The following LONRF2 variants were observed in gnomAD, a reference collection of about 807,000 sequenced individuals.
LONRF2 encodes LON peptidase N-terminal domain and ring finger 2.
In LONRF2, 35 loss-of-function variants were observed where a neutral mutation model predicts 66.6. The ratio of observed to expected loss-of-function variants is 0.53; its 90% CI spans 0.40 to 0.70. The LOEUF (loss-of-function observed/expected upper bound fraction) is 0.70. Among genes scored for constraint, LONRF2 ranks in the 30% least tolerant of loss-of-function variants. LONRF2 has a pLI of 0.00. For synonymous variants in LONRF2, 417 were observed against 418.1 expected (o/e 1.00, Z 0.03); for missense variants, 902 against 1,002.1 (o/e 0.90, Z 1.35).
At chr2:100,290,560 T>A in intron 9 of LONRF2, 140 bp from the exon 10 acceptor site, 1 of 819,374 alleles carries the variant, frequency 1.2e-6, no homozygotes, top group East Asian at 2.7e-5. Flanking sequence ...AAGGTTATTG[T>A]CGCTAAGAGA....
rs1675660026 is a variant in LONRF2 at position 100,322,412 on chromosome 2, C to T, written c.-319G>A. 4.4e-6 allele frequency: 1 copy of T among 228,398 alleles called. No individual in the cohort carries two copies. Among genetic ancestry groups the T allele is most frequent in the Non-Finnish European group, 8.5e-6 (1 of 118,222 alleles). 14.1% of individuals were successfully genotyped at this position (228,398 alleles called of 1,614,324 possible). On this transcript the variant is annotated 5_prime_UTR_variant, in exon 1 of 12. Transcript: ENST00000393437. ...CTCTCAGTCCCGCCGGCTTAGGTAACCCAGGTCGCTGCGGTAACGCAGTGA... is the reference window on the plus strand; with the variant it reads ...CTCTCAGTCCCGCCGGCTTAGGTAATCCAGGTCGCTGCGGTAACGCAGTGA...
chr2:100,313,672 G>A (rs11123825), intron 1 of LONRF2, among the ~76,000 whole-genome samples: 99,512 of 151,976 alleles, frequency 0.65, 32,935 homozygotes, highest in East Asian at 0.94. Flanking sequence ...ACCTTTGCAT[G>A]TGTACCCGTG....
Position 100,321,939 on chromosome 2 carries a change from C to G in LONRF2, c.155G>C (p.Gly52Ala). Reference sequence around the variant, plus strand: ...CAGGCCGCGGTCCGGCTGCGCCAGCCCGGCTAGCATGGAGCGAAAGAGCTC... The same window carrying G: ...CAGGCCGCGGTCCGGCTGCGCCAGCGCGGCTAGCATGGAGCGAAAGAGCTC... ...AAELFRSMLAGLAQPDRGLCL... is the reference protein window; with the variant it reads ...AAELFRSMLAALAQPDRGLCL... Residue 52 changes from glycine to alanine, a missense_variant, in exon 1 of 12, where the codon GGG becomes GCG. Coordinates refer to ENST00000393437, the MANE Select transcript of LONRF2 (RefSeq NM_198461.4). The G allele has an allele frequency of 7.1e-7, 1 of 1,417,832 alleles. No individual in the cohort carries two copies. Among genetic ancestry groups the G allele is most frequent in the Non-Finnish European group, 9.2e-7 (1 of 1,083,686 alleles). 87.8% of individuals were successfully genotyped at this position (1,417,832 alleles called of 1,614,324 possible).
chr2:100,298,781 G>A (rs952737765), intron 7 of LONRF2, 55 bp downstream of exon 7: 41 of 1,307,996 alleles, frequency 3.1e-5, no homozygotes, highest in Non-Finnish European at 4.2e-5. Flanking sequence ...GGGAGTAAGC[G>A]TCCACCAAGG....
rs1457800938 is a variant in LONRF2 at position 100,303,007 on chromosome 2, C to T, written c.835G>A (p.Gly279Arg). Reference sequence around the variant, plus strand: ...TCCTTTAACACTTCCTTACTTCTTCCCAATCCAGAAAGAGCCTGAGCTTTT... The same window carrying T: ...TCCTTTAACACTTCCTTACTTCTTCTCAATCCAGAAAGAGCCTGAGCTTTT... ...QVKAQALSGL[G>R]RSKEVLKEFL... Residue 279 changes from glycine to arginine, a missense_variant, in exon 3 of 12, where the codon GGA becomes AGA. By Grantham distance (125) the Gly-to-Arg change is moderately radical. Around this residue, in one of 2 missense-constraint regions of LONRF2, gnomAD observed 585 missense variants for 569.9 expected, o/e 1.03. Transcript: ENST00000393437. 6.2e-7 allele frequency: 1 copy of T among 1,609,810 alleles called. No homozygotes were observed. The highest frequency in any genetic ancestry group is 8.5e-7 in the Non-Finnish European group (1 of 1,177,580).
In LONRF2 at chr2:100,317,362, C is replaced by A. The variant is rs752543374; in HGVS notation, c.679+4053G>T. Among the ~76,000 whole-genome samples, 24 of 152,110 alleles carry A rather than the reference C, an allele frequency of 1.6e-4. 1 individual carries two copies. The highest frequency in any genetic ancestry group is 3.4e-4 in the Non-Finnish European group (23 of 68,010). The stretch of plus-strand genomic sequence containing the variant: ...TATGCAAACCTGATTTAGCAGTCTA[C>A]TTTAAATTGGTACTGTTACTACCTC... On this transcript the variant is annotated intron_variant, in intron 1 of 11. Coordinates refer to ENST00000393437, the MANE Select transcript of LONRF2 (RefSeq NM_198461.4).
intron 1 of LONRF2, among the ~76,000 whole-genome samples, chr2:100,314,005 T>A (rs1675458000): frequency 6.6e-6 from 1 of 152,176 alleles, no homozygotes; most frequent in Non-Finnish European, 1.5e-5. Context: ...ATTCTACTAG[T>A]GATGAACAAT....
intron 11 of LONRF2, among the ~76,000 whole-genome samples, chr2:100,285,005 A>T (rs1408179125): frequency 2.0e-5 from 3 of 152,266 alleles, no homozygotes; most frequent in Non-Finnish European, 2.9e-5. Context: ...TATATATATA[A>T]GAATTATTAT....
chr2:100,309,836 C>A (rs1280065879), intron 1 of LONRF2, among the ~76,000 whole-genome samples: 3 of 152,042 alleles, frequency 2.0e-5, no homozygotes, highest in Non-Finnish European at 4.4e-5. Context: ...CCACGCCCGG[C>A]TAATTTTTGT....
chr2:100,272,654 T>C lies in LONRF2; in HGVS notation c.*11644A>G, dbSNP rs1165736679. Among the ~76,000 whole-genome samples the C allele has an allele frequency of 6.6e-6, 1 of 152,062 alleles. No individual in the cohort carries two copies. The highest frequency in any genetic ancestry group is 2.4e-5 in the African/African-American group (1 of 41,376). On this transcript the variant is annotated 3_prime_UTR_variant, in exon 12 of 12. Transcript: ENST00000393437. ...TTGTAGAGTGTTATGCTGTTTTAAA[T>C]ATTGTAATTTATGCCTCTAAAAATT...
At chr2:100,294,439 G>A in intron 8 of LONRF2, 52 bp from the exon 9 acceptor site, 1 of 1,476,204 alleles carries the variant, frequency 6.8e-7, no homozygotes, top group African/African-American at 1.4e-5. Context: ...TTAGATCAGA[G>A]GGTGGTACTG....
intron 9 of LONRF2, 62 bp from the exon 10 acceptor site, chr2:100,290,482 C>A: frequency 6.6e-7 from 1 of 1,505,738 alleles, no homozygotes. Context: ...TTCTTTTTCC[C>A]TGGATGAGAG....
chr2:100,303,109 C>T lies in LONRF2; in HGVS notation c.799-66G>A, dbSNP rs571320562. The T allele has an allele frequency of 3.7e-5, 51 of 1,392,474 alleles. No individual in the cohort carries two copies. The African/African-American group carries it at 6.8e-4, about 19-fold the overall frequency. The allele number at this position is 1,392,474 out of a possible 1,614,324, so 86.3% of individuals were successfully genotyped here. A position where few individuals can be genotyped will look rare whatever the true frequency, so the allele number is the denominator to read the frequency against. The stretch of plus-strand genomic sequence containing the variant: ...GCATGATTATATACTTGAATACAAA[C>T]TTCCCTGAACAAATTTATTAGAACA... On this transcript the variant is annotated intron_variant, in intron 2 of 11. Transcript: ENST00000393437.
rs968564576 is a variant in LONRF2 at position 100,273,347 on chromosome 2, T to C, written c.*10951A>G. On this transcript the variant is annotated 3_prime_UTR_variant, in exon 12 of 12. Transcript: ENST00000393437. The stretch of plus-strand genomic sequence containing the variant: ...CCGTCAGTCTGTGGTGATGTGTTAG[T>C]ACATCCCTACGACACAAACACAAAG... The C allele has an allele frequency of 2.0e-5, 3 of 152,238 alleles. No homozygotes were observed. Among genetic ancestry groups the C allele is most frequent in the Admixed American group, 6.5e-5 (1 of 15,284 alleles). 9.4% of individuals were successfully genotyped at this position (152,238 alleles called of 1,614,324 possible).
Position 100,302,771 on chromosome 2 carries a change from C to G in LONRF2, c.921+150G>C, listed in dbSNP as rs1675211062. The G allele has an allele frequency of 2.2e-5, 16 of 724,092 alleles. No individual in the cohort carries two copies. In the South Asian group the frequency reaches 4.4e-4, roughly 20 times the overall value. The allele number at this position is 724,092 out of a possible 1,614,324, so 44.9% of individuals were successfully genotyped here. On this transcript the variant is annotated intron_variant, in intron 3 of 11. Coordinates refer to ENST00000393437, the MANE Select transcript of LONRF2 (RefSeq NM_198461.4). ...CCTAGAAGTTATCCAATGTATGAAC[C>G]TTACAATTATTGCCATGCGTTTTTT...
chr2:100,298,553 A>G (rs1210326211), intron 7 of LONRF2, among the ~76,000 whole-genome samples: 3 of 152,246 alleles, frequency 2.0e-5, no homozygotes, highest in Non-Finnish European at 4.4e-5. Flanking sequence ...CGTCTCAACC[A>G]TTTACAATGA....
At chr2:100,302,075 C>T (rs1173536612) in intron 3 of LONRF2, among the ~76,000 whole-genome samples, 1 of 152,118 alleles carries the variant, frequency 6.6e-6, no homozygotes, top group African/African-American at 2.4e-5. Context: ...AATAAACATG[C>T]CCCTAATGTG....
chr2:100,303,098 T>C (rs778712888), intron 2 of LONRF2, 55 bp from the exon 3 acceptor site: 2 of 1,475,356 alleles, frequency 1.4e-6, no homozygotes, highest in Non-Finnish European at 1.8e-6. Flanking sequence ...GATTATATAC[T>C]TGAATACAAA....
chr2:100,296,892 A>G (rs1285418547), intron 7 of LONRF2, among the ~76,000 whole-genome samples: 1 of 152,224 alleles, frequency 6.6e-6, no homozygotes, highest in Non-Finnish European at 1.5e-5. Context: ...ATGCAAAGTC[A>G]TTTATGTGCA....
Sources: allele counts gnomAD v4.1 joint callset (sites outside exome capture counted in the v4.1 genomes callset), GRCh38; gene constraint gnomAD v4.1.1; regional missense constraint gnomAD v4.1.1; transcripts MANE v1.5; gene names NCBI Gene and HGNC (gene_info 2026-07-23, HGNC 2026-07-21).